ACTN1: variants seen among roughly 807,000 people sequenced by gnomAD.
The protein encoded by ACTN1 is alpha-actinin-1.
In ACTN1, 30 loss-of-function variants were observed where a neutral mutation model predicts 119.6. That is an observed-to-expected ratio of 0.25 (90% CI 0.19 to 0.34). The LOEUF (loss-of-function observed/expected upper bound fraction) is 0.34. Ranked by LOEUF, ACTN1 falls within the 10% of genes least tolerant of loss-of-function variation. The pLI is 1.00. For synonymous variants in ACTN1, 429 were observed against 472.6 expected (o/e 0.91, Z 1.20); for missense variants, 764 against 1,223.4 (o/e 0.62, Z 5.60).
intron 3 of ACTN1, among the ~76,000 whole-genome samples, chr14:68,915,197 C>A (rs1449595758): frequency 6.6e-6 from 1 of 152,182 alleles, no homozygotes; most frequent in Non-Finnish European, 1.5e-5. Flanking sequence ...AAGCCAGTGG[C>A]CAGAGAGGCC....
chr14:68,929,824 G>A (rs994520474), intron 1 of ACTN1, among the ~76,000 whole-genome samples: 6 of 152,192 alleles, frequency 3.9e-5, no homozygotes, highest in Admixed American at 2.0e-4. Flanking sequence ...CAATGACCTC[G>A]AAGCCACTGC....
intron 11 of ACTN1, chr14:68,887,168 T>G (rs2032088443): frequency 1.2e-5 from 2 of 173,148 alleles, no homozygotes; most frequent in South Asian, 2.5e-4. Flanking sequence ...CAAGTACCAG[T>G]ATTTTCACAT....
intron 1 of ACTN1, among the ~76,000 whole-genome samples, chr14:68,938,153 G>A (rs768950346): frequency 7.0e-4 from 107 of 152,324 alleles, no homozygotes; most frequent in Non-Finnish European, 4.1e-4. Flanking sequence ...AAAGCCAGCC[G>A]TCAGCTGGTT....
chr14:68,889,270 T>A (rs1566602139), intron 11 of ACTN1, among the ~76,000 whole-genome samples: 1 of 152,088 alleles, frequency 6.6e-6, no homozygotes, highest in African/African-American at 2.4e-5. Flanking sequence ...GACACACATG[T>A]GCTAAGGCAA....
intron 12 of ACTN1, 64 bp from the exon 13 acceptor site, chr14:68,884,947 C>T: frequency 5.8e-6 from 8 of 1,374,852 alleles, no homozygotes; most frequent in African/African-American, 1.4e-5. Context: ...ATCTCCCTCT[C>T]TCTGAGGCTG....
intron 1 of ACTN1, among the ~76,000 whole-genome samples, chr14:68,944,249 C>A (rs1017254796): frequency 1.3e-5 from 2 of 152,134 alleles, no homozygotes; most frequent in African/African-American, 4.8e-5. Flanking sequence ...TGAGAAAGAC[C>A]GATGAATAAT....
chr14:68,877,566 A>C, intron 20 of ACTN1: 1 of 273,382 alleles, frequency 3.7e-6, no homozygotes, highest in Non-Finnish European at 6.9e-6. Context: ...GCTTTATTTC[A>C]ATTCATTTAA....
intron 2 of ACTN1, among the ~76,000 whole-genome samples, chr14:68,924,948 G>A (rs1279484181): frequency 2.0e-5 from 3 of 152,178 alleles, no homozygotes; most frequent in African/African-American, 4.8e-5. Context: ...GCCCAGCGAG[G>A]TTCAGCATTT....
intron 11 of ACTN1, chr14:68,888,152 T>A: frequency 1.8e-6 from 1 of 546,048 alleles, no homozygotes; most frequent in East Asian, 3.5e-5. Context: ...TTTGCGAAAC[T>A]GTGCTGCCTG....
Position 68,883,866 on chromosome 14 carries a change from A to G in ACTN1, c.1635+302T>C, listed in dbSNP as rs115313361. Among the ~76,000 whole-genome samples the G allele has an allele frequency of 9.1e-3, 1,383 of 152,286 alleles. 19 individuals are homozygous for G. The highest frequency in any genetic ancestry group is 0.032 in the African/African-American group (1,322 of 41,572). On this transcript the variant is annotated intron_variant, in intron 14 of 21. Coordinates refer to ENST00000394419, the MANE Select transcript of ACTN1 (RefSeq NM_001130004.2). ...GTTTTATACAAAAAGGGTACAAAGC[A>G]TGGAAACAAACATTTGCTTGTGTGC...
At position 68,978,715 on chromosome 14, in the gene ACTN1, G is replaced by T. The variant is rs1193081001; in HGVS notation, c.105+237C>A. 8.6e-6 allele frequency: 3 copies of T among 349,844 alleles called. No homozygotes were observed. The East Asian group carries it at 1.5e-4, about 18-fold the overall frequency. 21.7% of individuals were successfully genotyped at this position (349,844 alleles called of 1,614,324 possible). A position where few individuals can be genotyped will look rare whatever the true frequency, so the allele number is the denominator to read the frequency against. On this transcript the variant is annotated intron_variant, in intron 1 of 21. Coordinates refer to ENST00000394419, the MANE Select transcript of ACTN1 (RefSeq NM_001130004.2). ...CCCCCAAGGAGACCTGCCCGCCAGC[G>T]GCGCCACCTCCCCGCGCTCCGGCCC...
chr14:68,881,620 C>T (rs540840254), intron 16 of ACTN1, among the ~76,000 whole-genome samples: 2 of 152,254 alleles, frequency 1.3e-5, no homozygotes, highest in South Asian at 2.1e-4. Context: ...TGCAGGGGAG[C>T]GACACATACC....
rs568128995 is a variant in ACTN1 at position 68,967,995 on chromosome 14, T to C, written c.105+10957A>G. On this transcript the variant is annotated intron_variant, in intron 1 of 21. Coordinates refer to ENST00000394419, the MANE Select transcript of ACTN1 (RefSeq NM_001130004.2). The stretch of plus-strand genomic sequence containing the variant: ...CCTTTTCGTCATGACACATTTGCTT[T>C]ATCAAGAAGTAATAAAAGCACAACT... 2.6e-5 allele frequency among the ~76,000 whole-genome samples: 4 copies of C among 152,298 alleles called. No homozygotes were observed. In the South Asian group the frequency reaches 8.3e-4, roughly 32 times the overall value.
At chr14:68,922,160 C>T (rs961949494) in intron 2 of ACTN1, among the ~76,000 whole-genome samples, 4 of 152,198 alleles carry the variant, frequency 2.6e-5, no homozygotes, top group Non-Finnish European at 2.9e-5. Flanking sequence ...CTTGTGCCTG[C>T]CCTGATATCC....
intron 3 of ACTN1, among the ~76,000 whole-genome samples, chr14:68,912,703 A>T (rs1594803895): frequency 6.6e-6 from 1 of 152,212 alleles, no homozygotes; most frequent in Non-Finnish European, 1.5e-5. Flanking sequence ...TTAATGCAAT[A>T]AACTGTGACA....
At position 68,890,266 on chromosome 14, in the gene ACTN1, G is replaced by T. The variant is rs762887661; in HGVS notation, c.1107C>A (p.Gly369=). ...AGCCCTTCTCCACCTGCTCCAGGCA[G>T]CCCCAGGCATTGTTGATGTCCTGTG... ...RMVSDINNAW[G]CLEQVEKGYE... Residue 369 remains glycine (G), a synonymous_variant, in exon 11 of 22, where the codon GGC becomes GGA. Transcript: ENST00000394419. 6.2e-7 allele frequency: 1 copy of T among 1,614,176 alleles called. No homozygotes were observed. The highest frequency in any genetic ancestry group is 1.1e-5 in the South Asian group (1 of 91,086).
chr14:68,899,759 C>A (rs1382168909), intron 8 of ACTN1, among the ~76,000 whole-genome samples: 1 of 152,140 alleles, frequency 6.6e-6, no homozygotes, highest in East Asian at 1.9e-4. Flanking sequence ...CCGGGACAGA[C>A]CCCTGAAGGA....
chr14:68,878,259 G>A lies in ACTN1; in HGVS notation c.2427+199C>T. The A allele has an allele frequency of 1.5e-6, 1 of 651,664 alleles. No homozygotes were observed. 40.4% of individuals were successfully genotyped at this position (651,664 alleles called of 1,614,324 possible). ...CACAGAGATTGAGGCGAGGAGGTCA[G>A]GCCTCCCGGATACACACACGCCCGT... is the stretch of plus-strand genomic sequence containing the variant. On this transcript the variant is annotated intron_variant, in intron 20 of 21. Transcript: ENST00000394419. The surrounding 1 kb of genome is among the most constrained non-coding windows in gnomAD (Gnocchi z 4.4).
intron 1 of ACTN1, chr14:68,978,608 G>GC (rs1309619863): frequency 3.5e-6 from 1 of 286,458 alleles, no homozygotes; most frequent in Non-Finnish European, 6.7e-6. Context: ...CGGGGTCTCA[G>GC]CCCCAGCCTG....
Sources: allele counts gnomAD v4.1 joint callset (sites outside exome capture counted in the v4.1 genomes callset), GRCh38; gene constraint gnomAD v4.1.1; non-coding constraint Gnocchi (gnomAD v3.1); transcripts MANE v1.5; gene names NCBI Gene and HGNC (gene_info 2026-07-23, HGNC 2026-07-21).